Variants in ATP13A4 observed in about 807,000 individuals in gnomAD.
ATP13A4 encodes the protein probable cation-transporting ATPase 13A4.
Under a neutral mutation model 142.5 loss-of-function variants are expected in ATP13A4, and 114 were observed. That is an observed-to-expected ratio of 0.80 (90% CI 0.69 to 0.93). The LOEUF (loss-of-function observed/expected upper bound fraction) is 0.93, where lower values mean the gene tolerates loss of function less well. Among genes scored for constraint, ATP13A4 ranks in the 40% least tolerant of loss-of-function variants. The pLI is 0.00. For synonymous variants in ATP13A4, 488 were observed against 514.8 expected (o/e 0.95, Z 0.70); for missense variants, 1,392 against 1,454.0 (o/e 0.96, Z 0.69).
chr3:193,570,172 G>A (rs1176711725), intron 2 of ATP13A4, among the ~76,000 whole-genome samples: 1 of 152,018 alleles, frequency 6.6e-6, no homozygotes, highest in Non-Finnish European at 1.5e-5. Flanking sequence ...AATTAGCCAG[G>A]CGTGGTGGCA....
intron 14 of ATP13A4, 145 bp from the exon 15 acceptor site, chr3:193,457,610 A>T: frequency 1.3e-6 from 1 of 756,082 alleles, no homozygotes. Flanking sequence ...AACCAGATTT[A>T]TTCCGCCACA....
Position 193,448,266 on chromosome 3 carries a change from CT to C in ATP13A4, c.2091del (p.Glu698ArgfsTer14). ...AGCTCTTCCAAGACAGGTTTTGTCT[CT>C]TCCTTCAATCGATTCTCCAAGATCA... ...GLLILENRLKEETKPVLEELI... is the reference protein window; with the variant it reads ...GLLILENRLKXETKPVLEELI... On this transcript the variant is annotated frameshift_variant, in exon 18 of 30. Transcript: ENST00000342695. LOFTEE classifies it high-confidence loss of function. 6.2e-7 allele frequency: 1 copy of C among 1,614,182 alleles called. No homozygotes were observed. Among genetic ancestry groups the C allele is most frequent in the Non-Finnish European group, 8.5e-7 (1 of 1,180,020 alleles).
chr3:193,547,222 G>A (rs1160033980), intron 1 of ATP13A4, among the ~76,000 whole-genome samples: 2 of 152,038 alleles, frequency 1.3e-5, no homozygotes, highest in Non-Finnish European at 2.9e-5. Context: ...CTCTCACCTG[G>A]ACTATTTCAA....
At chr3:193,571,258 G>A (rs753022968) in intron 2 of ATP13A4, among the ~76,000 whole-genome samples, 15 of 107,188 alleles carry the variant, frequency 1.4e-4, no homozygotes, top group Non-Finnish European at 2.5e-4. Context: ...CAGCCTGGGT[G>A]ACAAAGCAAG....
intron 1 of ATP13A4, among the ~76,000 whole-genome samples, chr3:193,536,509 G>A (rs1262691996): frequency 6.6e-6 from 1 of 151,862 alleles, no homozygotes; most frequent in Non-Finnish European, 1.5e-5. Flanking sequence ...AACTTAATAA[G>A]GAGCATTTTT....
intron 23 of ATP13A4, among the ~76,000 whole-genome samples, chr3:193,436,272 G>A (rs541882815): frequency 6.6e-6 from 1 of 152,226 alleles, no homozygotes; most frequent in Admixed American, 6.5e-5. Context: ...ACTCAAATTA[G>A]TCATATATCA....
At chr3:193,524,883 T>A (rs1370780824) in intron 1 of ATP13A4, among the ~76,000 whole-genome samples, 1 of 152,192 alleles carries the variant, frequency 6.6e-6, no homozygotes, top group Admixed American at 6.5e-5. Context: ...AAGTCAGATC[T>A]CACCTCCCTG....
intron 2 of ATP13A4, among the ~76,000 whole-genome samples, chr3:193,573,061 T>C (rs1724304463): frequency 7.1e-6 from 1 of 140,412 alleles, no homozygotes; most frequent in Non-Finnish European, 1.5e-5. Flanking sequence ...GGGAGGGGAG[T>C]AAGGGCTGAG....
In ATP13A4 at chr3:193,439,067, T is replaced by G; in HGVS notation, c.2520-2A>C. The G allele has an allele frequency of 6.2e-7, 1 of 1,604,496 alleles. No homozygotes were observed. The highest frequency in any genetic ancestry group is 8.5e-7 in the Non-Finnish European group (1 of 1,171,252). ...TCACCACACATACCTACAAAGTAAC[T>G]AAGAGGGAACCACATTAATTGTAGA... is the stretch of plus-strand genomic sequence containing the variant. On this transcript the variant is annotated splice_acceptor_variant, in intron 21 of 29. Coordinates refer to ENST00000342695, the MANE Select transcript of ATP13A4 (RefSeq NM_032279.4). LOFTEE classifies it high-confidence loss of function.
rs137904405 is a variant in ATP13A4 at position 193,467,445 on chromosome 3, C to A, written c.985G>T (p.Asp329Tyr). ...TGTGTTTTCCAGGGCACAGAGCTAT[C>A]CATCTTGGGTAACGGAGTTTTGGTG... ...PVTKTPLPKM[D>Y]SSVPWKTQSE... Residue 329 changes from aspartate to tyrosine, a missense_variant, in exon 10 of 30, where the codon GAT becomes TAT. By Grantham distance (160) the Asp-to-Tyr change is radical (BLOSUM62 -3). Transcript: ENST00000342695. The A allele has an allele frequency of 9.2e-5, 148 of 1,613,912 alleles. 1 individual carries two copies. The Middle Eastern group carries it at 1.0e-3, about 11-fold the overall frequency.
At chr3:193,576,172 G>A (rs1395333042) in intron 2 of ATP13A4, among the ~76,000 whole-genome samples, 4 of 144,172 alleles carry the variant, frequency 2.8e-5, no homozygotes, top group Non-Finnish European at 6.1e-5. Context: ...GAGAGCCTAA[G>A]CCCCCTGCAG....
At chr3:193,587,625 T>G (rs1227468625) in intron 1 of ATP13A4, among the ~76,000 whole-genome samples, 1 of 152,198 alleles carries the variant, frequency 6.6e-6, no homozygotes, top group Non-Finnish European at 1.5e-5. Context: ...TACATTGGGT[T>G]TGTACTCTGA....
At chr3:193,458,179 G>C (rs1717747266) in intron 14 of ATP13A4, among the ~76,000 whole-genome samples, 1 of 152,162 alleles carries the variant, frequency 6.6e-6, no homozygotes, top group African/African-American at 2.4e-5. Flanking sequence ...TCTTTCAGTG[G>C]TGCTCAAAGT....
intron 18 of ATP13A4, among the ~76,000 whole-genome samples, chr3:193,444,908 T>C (rs1279440356): frequency 6.6e-6 from 1 of 152,204 alleles, no homozygotes; most frequent in Non-Finnish European, 1.5e-5. Context: ...GCTTCCTCCA[T>C]GCTCCACAGC....
intron 1 of ATP13A4, among the ~76,000 whole-genome samples, chr3:193,540,527 CAAAAAAAAAAAA>C (rs11360543): frequency 2.0e-4 from 9 of 44,782 alleles, no homozygotes; most frequent in African/African-American, 8.1e-4. Flanking sequence ...GGCTCTCTGC[CAAAAAAAAAAAA>C]AAAAAAAAAA....
At chr3:193,514,584 G>T (rs1721306286) in intron 2 of ATP13A4, 114 bp downstream of exon 2, 2 of 1,373,306 alleles carry the variant, frequency 1.5e-6, no homozygotes, top group South Asian at 1.2e-5. Context: ...AGGAACCAAA[G>T]ACTGGAGCCT....
chr3:193,427,639 AT>A (rs1339510553), intron 25 of ATP13A4, among the ~76,000 whole-genome samples: 1 of 152,198 alleles, frequency 6.6e-6, no homozygotes, highest in Non-Finnish European at 1.5e-5. Context: ...AATACCACAC[AT>A]CTACAACCAT....
At chr3:193,405,272 T>A (rs1714438270) in intron 29 of ATP13A4, among the ~76,000 whole-genome samples, 1 of 152,188 alleles carries the variant, frequency 6.6e-6, no homozygotes, top group Admixed American at 6.5e-5. Context: ...CCCTCCCAAC[T>A]CTTCCCTTCC....
At chr3:193,542,030 C>A (rs1399867081) in intron 1 of ATP13A4, among the ~76,000 whole-genome samples, 1 of 152,098 alleles carries the variant, frequency 6.6e-6, no homozygotes, top group African/African-American at 2.4e-5. Flanking sequence ...AAGAGGAAGT[C>A]ATACTGTCTC....
Sources: gnomAD v4.1 joint callset for allele counts (sites outside exome capture counted in the v4.1 genomes callset) on GRCh38, gnomAD v4.1.1 for gene constraint, MANE v1.5 for transcripts, NCBI Gene and HGNC (gene_info 2026-07-23, HGNC 2026-07-21) for gene names.